The following PLAGL1 variants were observed in gnomAD, a reference collection of about 807,000 sequenced individuals.
The protein encoded by PLAGL1 is zinc finger protein PLAGL1.
A neutral mutation model predicts 4.6 loss-of-function variants in PLAGL1; 1 was observed. The ratio of observed to expected loss-of-function variants is 0.22; its 90% CI spans 0.08 to 1.03. The LOEUF (loss-of-function observed/expected upper bound fraction) is 1.03, where lower values mean the gene tolerates loss of function less well. PLAGL1 is among the 50% of genes least tolerant of loss of function. The pLI, the probability that PLAGL1 is intolerant of heterozygous loss-of-function variation, is 0.58. For synonymous variants in PLAGL1, 240 were observed against 237.8 expected (o/e 1.01, Z -0.08); for missense variants, 464 against 570.4 (o/e 0.81, Z 1.90).
In PLAGL1 at chr6:143,948,993, C is replaced by A. The variant is rs531655643; in HGVS notation, c.-324-533G>T. Among the ~76,000 whole-genome samples, 1 of 152,338 alleles carries A rather than the reference C, an allele frequency of 6.6e-6. No homozygotes were observed. Among genetic ancestry groups the A allele is most frequent in the Non-Finnish European group, 1.5e-5 (1 of 68,028 alleles). On this transcript the variant is annotated intron_variant, in intron 6 of 7. Transcript: ENST00000674357. This position sits in a 1 kb window ranked among gnomAD's most constrained non-coding sequence, Gnocchi z 6.0. ...AAGTCAATTTGTTTGTAAGATTACT[C>A]TGCAGAAGGGCTGATATAAACAGAA...
intron 1 of PLAGL1, among the ~76,000 whole-genome samples, chr6:143,992,943 A>C (rs1021529207): frequency 2.0e-5 from 3 of 151,946 alleles, no homozygotes; most frequent in Non-Finnish European, 2.9e-5. Flanking sequence ...CTGCCACCGC[A>C]CTCCAGCCTG....
At position 143,941,217 on chromosome 6, in the gene PLAGL1, C is replaced by T; in HGVS notation, c.*207G>A. 2.4e-6 allele frequency: 1 copy of T among 421,188 alleles called. No homozygotes were observed. Among genetic ancestry groups the T allele is most frequent in the Non-Finnish European group, 4.2e-6 (1 of 239,856 alleles). 26.1% of individuals were successfully genotyped at this position (421,188 alleles called of 1,614,324 possible). On this transcript the variant is annotated 3_prime_UTR_variant, in exon 8 of 8. Transcript: ENST00000674357. The surrounding 1 kb of genome is among the most constrained non-coding windows in gnomAD (Gnocchi z 6.0). ...GCAGTTTGATTACAGAACACGCGTT[C>T]ATTAAATTTGGTACAAAGCATGAAC...
rs1321459417 is a variant in PLAGL1 at position 143,972,462 on chromosome 6, G to A, written c.-543-3484C>T. 6.6e-6 allele frequency among the ~76,000 whole-genome samples: 1 copy of A among 152,112 alleles called. No homozygotes were observed. The highest frequency in any genetic ancestry group is 2.4e-5 in the African/African-American group (1 of 41,432). ...AATCTCAAGACTTTTTCTTTAGTGT[G>A]TTCTAAAAAGGTGGTAATTTTAAGA... On this transcript the variant is annotated intron_variant, in intron 2 of 7. Coordinates refer to ENST00000674357, the MANE Select transcript of PLAGL1 (RefSeq NM_001317162.2). The surrounding 1 kb of genome is among the most constrained non-coding windows in gnomAD (Gnocchi z 6.8).
At position 144,039,457 on chromosome 6, in the gene PLAGL1, A is replaced by G. The variant is rs2128715316; in HGVS notation, c.-151+25011T>C. ...AAAAATTAGCTGGGCATGTTGGCAC[A>G]TGCTTGTAATCCCAGCTACTCAAGA... On this transcript the variant is annotated intron_variant, in intron 1 of 3. Transcript: ENST00000437412. The surrounding 1 kb of genome is among the most constrained non-coding windows in gnomAD (Gnocchi z 4.1). Among the ~76,000 whole-genome samples, 1 of 152,288 alleles carries G rather than the reference A, an allele frequency of 6.6e-6. No individual in the cohort carries two copies. Among genetic ancestry groups the G allele is most frequent in the South Asian group, 2.1e-4 (1 of 4,822 alleles).
At chr6:143,998,243 A>G (rs903373163) in intron 1 of PLAGL1, among the ~76,000 whole-genome samples, 2 of 152,202 alleles carry the variant, frequency 1.3e-5, no homozygotes, top group African/African-American at 4.8e-5. Flanking sequence ...ATTCTATAGT[A>G]TATTGGCAAT....
chr6:143,976,399 A>T (rs1213507774), intron 2 of PLAGL1, among the ~76,000 whole-genome samples: 1 of 150,098 alleles, frequency 6.7e-6, no homozygotes, highest in Non-Finnish European at 1.5e-5. Flanking sequence ...TCCTTTTAAA[A>T]ATTTCATCCA....
At chr6:144,052,000 C>T (rs918197521) in intron 1 of PLAGL1, among the ~76,000 whole-genome samples, 3 of 152,192 alleles carry the variant, frequency 2.0e-5, no homozygotes, top group Non-Finnish European at 2.9e-5. Context: ...TTTACCTTAC[C>T]ACTCATGATG....
chr6:143,978,791 A>T lies in PLAGL1; in HGVS notation c.-544+6344T>A, dbSNP rs373475393. On this transcript the variant is annotated intron_variant, in intron 2 of 7. Transcript: ENST00000674357. The surrounding 1 kb of genome is among the most constrained non-coding windows in gnomAD (Gnocchi z 4.6). ...GGAAAAAGTGTGCAGTTTGCTGTTG[A>T]GTAGCGTTCTATAAACGCCAATTAA... is the stretch of plus-strand genomic sequence containing the variant. Among the ~76,000 whole-genome samples, 12 of 152,322 alleles carry T rather than the reference A, an allele frequency of 7.9e-5. No individual in the cohort carries two copies. The South Asian group carries it at 1.0e-3, about 13-fold the overall frequency.
intron 1 of PLAGL1, among the ~76,000 whole-genome samples, chr6:143,987,833 C>G (rs980919156): frequency 6.6e-6 from 1 of 152,128 alleles, no homozygotes; most frequent in Non-Finnish European, 1.5e-5. Flanking sequence ...TCTGAAAACT[C>G]TGTCTAAAAC....
chr6:143,956,848 A>C (rs553444363), intron 6 of PLAGL1, among the ~76,000 whole-genome samples: 1 of 152,352 alleles, frequency 6.6e-6, no homozygotes, highest in Admixed American at 6.5e-5. Context: ...TGAACTACCA[A>C]GGGGGAAGGG....
At chr6:143,987,044 A>G (rs192123542) in intron 1 of PLAGL1, among the ~76,000 whole-genome samples, 435 of 152,290 alleles carry the variant, frequency 2.9e-3, no homozygotes, top group Non-Finnish European at 4.3e-3. Context: ...AAGTTAATTC[A>G]TTACTTCGTT....
intron 1 of PLAGL1, among the ~76,000 whole-genome samples, chr6:143,986,955 T>C (rs1789312832): frequency 1.3e-5 from 2 of 152,178 alleles, no homozygotes; most frequent in African/African-American, 2.4e-5. Context: ...AAGTTATACA[T>C]AGGAACTAGG....
rs903314505 is a variant in PLAGL1 at position 143,950,219 on chromosome 6, C to A, written c.-324-1759G>T. Among the ~76,000 whole-genome samples the A allele has an allele frequency of 6.6e-6, 1 of 152,162 alleles. No homozygotes were observed. Among genetic ancestry groups the A allele is most frequent in the Non-Finnish European group, 1.5e-5 (1 of 68,030 alleles). ...CCTTGGCACCACACCTTCTTTGTGA[C>A]GGCTGTGATTCTAGCAGCACACACA... On this transcript the variant is annotated intron_variant, in intron 6 of 7. Coordinates refer to ENST00000674357, the MANE Select transcript of PLAGL1 (RefSeq NM_001317162.2). The surrounding 1 kb of genome is among the most constrained non-coding windows in gnomAD (Gnocchi z 6.3).
Position 144,004,589 on chromosome 6 carries a change from T to G in PLAGL1, c.-584+3501A>C, listed in dbSNP as rs1480208784. On this transcript the variant is annotated intron_variant, in intron 1 of 7. Coordinates refer to ENST00000674357, the MANE Select transcript of PLAGL1 (RefSeq NM_001317162.2). This position sits in a 1 kb window ranked among gnomAD's most constrained non-coding sequence, Gnocchi z 4.2. ...ACAGTAGTTGACTGGGGGAAGCGAGTGGCTCCATTGATAGGAAGGGGCAGA... is the reference window on the plus strand; with the variant it reads ...ACAGTAGTTGACTGGGGGAAGCGAGGGGCTCCATTGATAGGAAGGGGCAGA... 1.3e-5 allele frequency among the ~76,000 whole-genome samples: 2 copies of G among 152,138 alleles called. No individual in the cohort carries two copies. The highest frequency in any genetic ancestry group is 4.2e-4 in the South Asian group (2 of 4,816).
At position 143,965,503 on chromosome 6, in the gene PLAGL1, A is replaced by C. The variant is rs1784251124; in HGVS notation, c.-431+655T>G. On this transcript the variant is annotated intron_variant, in intron 4 of 7. Transcript: ENST00000674357. The surrounding 1 kb of genome is among the most constrained non-coding windows in gnomAD (Gnocchi z 7.5). ...TGTCAAGGGAGAAGATGACCTGGGA[A>C]AGGAGTTGCCCAGGGAGCAAGTGCC... 6.6e-6 allele frequency: 1 copy of C among 152,216 alleles called. No homozygotes were observed. The highest frequency in any genetic ancestry group is 2.4e-5 in the African/African-American group (1 of 41,454). 9.4% of individuals were successfully genotyped at this position (152,216 alleles called of 1,614,324 possible).
chr6:143,955,984 A>G lies in PLAGL1; in HGVS notation c.-325+4485T>C, dbSNP rs1401947624. On this transcript the variant is annotated intron_variant, in intron 6 of 7. Transcript: ENST00000674357. This position sits in a 1 kb window ranked among gnomAD's most constrained non-coding sequence, Gnocchi z 4.9. ...AGCAAAAAATAAGCGTTAGGAGTTCATTTTTAGACATGCTGGGCTTAATGG... is the reference window on the plus strand; with the variant it reads ...AGCAAAAAATAAGCGTTAGGAGTTCGTTTTTAGACATGCTGGGCTTAATGG... Among the ~76,000 whole-genome samples the G allele has an allele frequency of 1.3e-5, 2 of 152,182 alleles. No homozygotes were observed. The highest frequency in any genetic ancestry group is 4.8e-5 in the African/African-American group (2 of 41,438).
At chr6:143,977,497 G>A (rs1583362282) in intron 2 of PLAGL1, among the ~76,000 whole-genome samples, 1 of 101,996 alleles carries the variant, frequency 9.8e-6, no homozygotes, top group Middle Eastern at 7.8e-3. Flanking sequence ...TTTTTGAGAT[G>A]GAGTCTGGCT....
Position 143,948,365 on chromosome 6 carries a change from C to A in PLAGL1, c.-229G>T. 1 of 488,664 alleles carries A rather than the reference C, an allele frequency of 2.0e-6. No homozygotes were observed. Among genetic ancestry groups the A allele is most frequent in the Non-Finnish European group, 3.7e-6 (1 of 268,918 alleles). 30.3% of individuals were successfully genotyped at this position (488,664 alleles called of 1,614,324 possible). On this transcript the variant is annotated 5_prime_UTR_variant, in exon 7 of 8. Coordinates refer to ENST00000674357, the MANE Select transcript of PLAGL1 (RefSeq NM_001317162.2). The surrounding 1 kb of genome is among the most constrained non-coding windows in gnomAD (Gnocchi z 6.0). ...ATCCCAGTTTACATGCAGTCTCAAG[C>A]TGAGGGGAGAAAGTCTGAGGCACAG...
chr6:144,043,098 T>C (rs1351346601), intron 1 of PLAGL1, among the ~76,000 whole-genome samples: 1 of 152,228 alleles, frequency 6.6e-6, no homozygotes, highest in Non-Finnish European at 1.5e-5. Flanking sequence ...GTTTTCTAAA[T>C]ATACAATCAT....
Sources: gnomAD v4.1 joint callset for allele counts (sites outside exome capture counted in the v4.1 genomes callset) on GRCh38, gnomAD v4.1.1 for gene constraint, Gnocchi (gnomAD v3.1) non-coding constraint, MANE v1.5 for transcripts, NCBI Gene and HGNC (gene_info 2026-07-23, HGNC 2026-07-21) for gene names.